The following LRRC1 variants were observed in gnomAD, a reference collection of about 807,000 sequenced individuals.
LRRC1 encodes leucine-rich repeat-containing protein 1.
LRRC1 carries 28 observed loss-of-function variants against 69.9 expected under a neutral mutation model. The observed-to-expected ratio is 0.40, with a 90% CI of 0.30 to 0.55. The LOEUF (loss-of-function observed/expected upper bound fraction) is 0.55. Ranked by LOEUF, LRRC1 falls within the 20% of genes least tolerant of loss-of-function variation. LRRC1 has a pLI of 0.47. For missense variants in LRRC1, 498 were observed against 609.0 expected (o/e 0.82, Z 1.92); for synonymous variants, 236 against 240.2 (o/e 0.98, Z 0.16).
rs534163107 is a variant in LRRC1 at position 53,840,243 on chromosome 6, T to G, written c.160-1867T>G. On this transcript the variant is annotated intron_variant, in intron 1 of 13. Transcript: ENST00000370888. ...TTCTGTAATCATACTTAATTGATAG[T>G]TTGGCTGGGTATATAATTTTAGGTT... Among the ~76,000 whole-genome samples the G allele has an allele frequency of 1.1e-3, 173 of 152,310 alleles. 1 individual carries two copies. The highest frequency in any genetic ancestry group is 3.8e-3 in the African/African-American group (160 of 41,564).
rs576252254 is a variant in LRRC1, at chr6:53,826,602, A to G, written c.160-15508A>G. On this transcript the variant is annotated intron_variant, in intron 1 of 13. Coordinates refer to ENST00000370888, the MANE Select transcript of LRRC1 (RefSeq NM_018214.5). ...AGCAACTGTAGGACAAGTATTTGGGATAAGGGGGACATCTTTTATGCAAAT... is the reference window on the plus strand; with the variant it reads ...AGCAACTGTAGGACAAGTATTTGGGGTAAGGGGGACATCTTTTATGCAAAT... Among the ~76,000 whole-genome samples the G allele has an allele frequency of 8.5e-5, 13 of 152,324 alleles. No homozygotes were observed. In the East Asian group the frequency reaches 2.3e-3, roughly 27 times the overall value.
At position 53,889,629 on chromosome 6, in the gene LRRC1, G is replaced by A. The variant is rs117844158; in HGVS notation, c.446+6653G>A. On this transcript the variant is annotated intron_variant, in intron 4 of 13. Transcript: ENST00000370888. ...ACAGAAATTAAATTATTGGTTGTTGGGTGTTGTGGGGTGGAGGAATGACTT... is the reference window on the plus strand; with the variant it reads ...ACAGAAATTAAATTATTGGTTGTTGAGTGTTGTGGGGTGGAGGAATGACTT... Among the ~76,000 whole-genome samples the A allele has an allele frequency of 2.0e-3, 300 of 152,148 alleles. 4 individuals carry two copies. The East Asian group carries it at 0.041, about 21-fold the overall frequency.
chr6:53,902,856 G>GGATGTACAAAGCAAATA (rs1562067788), intron 9 of LRRC1, 109 bp downstream of exon 9: 3 of 665,422 alleles, frequency 4.5e-6, no homozygotes, highest in Admixed American at 5.2e-5. Context: ...TCCCAAAACG[G>GGATGTACAAAGCAAATA]TCTTACAAAG....
chr6:53,882,094 A>G (rs1030179217), intron 3 of LRRC1, among the ~76,000 whole-genome samples: 3 of 152,210 alleles, frequency 2.0e-5, no homozygotes, highest in Non-Finnish European at 4.4e-5. Context: ...CACACCTGTA[A>G]TCCCAGCAGT....
intron 13 of LRRC1, among the ~76,000 whole-genome samples, chr6:53,922,385 T>A (rs1768765206): frequency 6.6e-6 from 1 of 152,232 alleles, no homozygotes; most frequent in Non-Finnish European, 1.5e-5. Context: ...CATATTTTTA[T>A]AAGTATTCTT....
chr6:53,841,066 A>C (rs189394969), intron 1 of LRRC1, among the ~76,000 whole-genome samples: 89 of 152,310 alleles, frequency 5.8e-4, no homozygotes, highest in Non-Finnish European at 9.8e-4. Flanking sequence ...GTCTGTGCTC[A>C]TGCCCAGGAG....
intron 2 of LRRC1, among the ~76,000 whole-genome samples, chr6:53,873,305 T>A (rs1766957691): frequency 6.6e-6 from 1 of 151,048 alleles, no homozygotes; most frequent in African/African-American, 2.4e-5. Flanking sequence ...TTTTTTTTTT[T>A]AATTGAGACA....
intron 4 of LRRC1, among the ~76,000 whole-genome samples, chr6:53,887,659 A>G (rs1247682138): frequency 1.3e-5 from 2 of 152,170 alleles, no homozygotes; most frequent in African/African-American, 4.8e-5. Flanking sequence ...CCTTGAAGAT[A>G]CTGCATTTTC....
chr6:53,800,337 C>T (rs1024253228), intron 1 of LRRC1, among the ~76,000 whole-genome samples: 5 of 144,534 alleles, frequency 3.5e-5, no homozygotes, highest in Admixed American at 1.5e-4. Flanking sequence ...CTGCAACCTC[C>T]GTCTCCTGGT....
rs1768812919 is a variant in LRRC1, at chr6:53,923,984, A to G, written c.*1191A>G. ...TGCTAATTTAAGGGATATTGGGAAAAGTTTTGGTGTGTTTCTGTTGATTTC... is the reference window on the plus strand; with the variant it reads ...TGCTAATTTAAGGGATATTGGGAAAGGTTTTGGTGTGTTTCTGTTGATTTC... On this transcript the variant is annotated 3_prime_UTR_variant, in exon 14 of 14. Coordinates refer to ENST00000370888, the MANE Select transcript of LRRC1 (RefSeq NM_018214.5). 6.6e-6 allele frequency: 1 copy of G among 152,630 alleles called. No homozygotes were observed. Among genetic ancestry groups the G allele is most frequent in the African/African-American group, 2.4e-5 (1 of 41,444 alleles). The allele number at this position is 152,630 out of a possible 1,614,324, so 9.5% of individuals were successfully genotyped here.
chr6:53,866,197 CCTT>C (rs754436650), intron 2 of LRRC1, among the ~76,000 whole-genome samples: 1 of 152,074 alleles, frequency 6.6e-6, no homozygotes, highest in Non-Finnish European at 1.5e-5. Context: ...CCTTCCTCTC[CCTT>C]CTTATAATCC....
chr6:53,917,150 G>A (rs752943361), intron 11 of LRRC1, among the ~76,000 whole-genome samples: 1 of 152,148 alleles, frequency 6.6e-6, no homozygotes, highest in Non-Finnish European at 1.5e-5. Flanking sequence ...AGCTGGGATG[G>A]TTTACCCAAG....
At chr6:53,863,120 A>C (rs1766585480) in intron 2 of LRRC1, among the ~76,000 whole-genome samples, 1 of 152,124 alleles carries the variant, frequency 6.6e-6, no homozygotes, top group Non-Finnish European at 1.5e-5. Flanking sequence ...CTCTTTTTAC[A>C]TGCTTGTTCT....
At chr6:53,883,856 A>G (rs1767380729) in intron 4 of LRRC1, 4 of 712,554 alleles carry the variant, frequency 5.6e-6, no homozygotes, top group Non-Finnish European at 1.0e-5. Context: ...GCAGTTGAGC[A>G]CAGTCTGACA....
At chr6:53,921,430 A>G (rs945469224) in intron 13 of LRRC1, among the ~76,000 whole-genome samples, 27 of 152,162 alleles carry the variant, frequency 1.8e-4, no homozygotes, top group Middle Eastern at 6.8e-3. Flanking sequence ...CTTGCCATGA[A>G]TTGACTTAGT....
intron 1 of LRRC1, among the ~76,000 whole-genome samples, chr6:53,813,398 A>T (rs938502074): frequency 5.3e-5 from 8 of 152,108 alleles, no homozygotes; most frequent in Non-Finnish European, 1.0e-4. Context: ...CCAAGTGGGC[A>T]AATTGTAGGA....
At chr6:53,903,968 G>GC (rs1298217514) in intron 9 of LRRC1, among the ~76,000 whole-genome samples, 2 of 152,194 alleles carry the variant, frequency 1.3e-5, no homozygotes, top group Non-Finnish European at 2.9e-5. Context: ...GCGGCACCCT[G>GC]CTTCGGGTGC....
chr6:53,799,632 A>G (rs917926833), intron 1 of LRRC1, among the ~76,000 whole-genome samples: 1 of 152,236 alleles, frequency 6.6e-6, no homozygotes, highest in Non-Finnish European at 1.5e-5. Flanking sequence ...CATTGTAAAC[A>G]TATTTTCTAT....
intron 1 of LRRC1, 26 bp downstream of exon 1, chr6:53,795,441 C>G (rs541431699): frequency 1.7e-5 from 27 of 1,593,638 alleles, no homozygotes; most frequent in Non-Finnish European, 2.2e-5. Flanking sequence ...CACCTGAGCG[C>G]TCTGCCCGCT....
Sources: gnomAD v4.1 joint callset for allele counts (sites outside exome capture counted in the v4.1 genomes callset) on GRCh38, gnomAD v4.1.1 for gene constraint, MANE v1.5 for transcripts, NCBI Gene and HGNC (gene_info 2026-07-23, HGNC 2026-07-21) for gene names.